GBF1: variants seen among roughly 807,000 people sequenced by gnomAD.
GBF1 encodes golgi brefeldin A resistant guanine nucleotide exchange factor 1.
GBF1 carries 114 observed loss-of-function variants against 210.5 expected under a neutral mutation model. The observed-to-expected ratio is 0.54, with a 90% CI of 0.47 to 0.63. The LOEUF (loss-of-function observed/expected upper bound fraction) is 0.63. GBF1 is among the 30% of genes least tolerant of loss of function. The probability of loss-of-function intolerance (pLI) is 0.00; values close to 1 mark genes in which losing one functional copy is unlikely to be tolerated. For missense variants in GBF1, 1,851 were observed against 2,357.7 expected (o/e 0.79, Z 4.45); for synonymous variants, 850 against 889.2 (o/e 0.96, Z 0.78).
intron 4 of GBF1, among the ~76,000 whole-genome samples, chr10:102,350,399 T>C (rs1421053352): frequency 6.6e-6 from 1 of 151,094 alleles, no homozygotes; most frequent in Non-Finnish European, 1.5e-5. Context: ...CACTCAGATA[T>C]GAGTATTGGC....
intron 29 of GBF1, among the ~76,000 whole-genome samples, chr10:102,371,977 G>C (rs1049213041): frequency 7.3e-5 from 11 of 151,594 alleles, no homozygotes; most frequent in Admixed American, 7.2e-4. Context: ...GTCCACTTTG[G>C]GGGGCTGAGG....
chr10:102,298,079 C>T (rs1416827709), intron 3 of GBF1, among the ~76,000 whole-genome samples: 4 of 152,136 alleles, frequency 2.6e-5, no homozygotes, highest in Admixed American at 6.5e-5. Context: ...GGATTACAGG[C>T]GCCCACCACC....
intron 13 of GBF1, among the ~76,000 whole-genome samples, chr10:102,361,444 A>G (rs2059595409): frequency 6.6e-6 from 1 of 152,158 alleles, no homozygotes; most frequent in South Asian, 2.1e-4. Flanking sequence ...GCTAAAAGGA[A>G]CTCTAAATAG....
chr10:102,323,182 T>C (rs1321661050), intron 3 of GBF1, among the ~76,000 whole-genome samples: 1 of 141,760 alleles, frequency 7.1e-6, no homozygotes, highest in Non-Finnish European at 1.5e-5. Context: ...CCTCATGACC[T>C]AGCTCTCCTG....
chr10:102,239,982 C>T, the GBF1 span, among the ~76,000 whole-genome samples: 2 of 152,236 alleles, frequency 1.3e-5, no homozygotes, highest in Non-Finnish European at 2.9e-5. Context: ...TTCCCACCTC[C>T]GCTCAGCCAC....
At chr10:102,294,320 A>G (rs976723817) in intron 3 of GBF1, among the ~76,000 whole-genome samples, 1 of 151,956 alleles carries the variant, frequency 6.6e-6, no homozygotes, top group Non-Finnish European at 1.5e-5. Flanking sequence ...AGCAACTTCC[A>G]GTCCTGCAGG....
chr10:102,272,803 T>C (rs1044128334), intron 3 of GBF1, among the ~76,000 whole-genome samples: 2 of 152,260 alleles, frequency 1.3e-5, no homozygotes, highest in African/African-American at 4.8e-5. Flanking sequence ...TAATGATCAC[T>C]AGTGGTGGCA....
chr10:102,358,119 G>A lies in GBF1; in HGVS notation c.720G>A (p.Met240Ile), dbSNP rs369887575. ...GATCCCCTCGGCCCCCACGCCATAT[G>A]ACCAAAGTCACACCAGGTTCAGAGC... ...QKRSPRPPRH[M>I]TKVTPGSELP... Residue 240 changes from methionine to isoleucine, a missense_variant, in exon 9 of 40, where the codon ATG becomes ATA. Coordinates refer to ENST00000369983, the MANE Select transcript of GBF1 (RefSeq NM_001377137.1). 1 of 1,613,060 alleles carries A rather than the reference G, an allele frequency of 6.2e-7. No homozygotes were observed. Among genetic ancestry groups the A allele is most frequent in the Non-Finnish European group, 8.5e-7 (1 of 1,179,140 alleles).
At chr10:102,259,243 C>T (rs1277533148) in intron 2 of GBF1, among the ~76,000 whole-genome samples, 1 of 152,128 alleles carries the variant, frequency 6.6e-6, no homozygotes, top group Non-Finnish European at 1.5e-5. Context: ...CACCATTCTT[C>T]TTCTAAATAT....
At chr10:102,360,523 T>G in intron 12 of GBF1, 128 bp downstream of exon 12, 1 of 655,462 alleles carries the variant, frequency 1.5e-6, no homozygotes, top group Non-Finnish European at 2.7e-6. Context: ...GCTAGTAGTT[T>G]TAGTAAGAGG....
At chr10:102,264,691 T>A (rs1390664701) in intron 3 of GBF1, among the ~76,000 whole-genome samples, 1 of 152,280 alleles carries the variant, frequency 6.6e-6, no homozygotes, top group Admixed American at 6.5e-5. Flanking sequence ...TGATTTATAA[T>A]TTTGGAATTC....
intron 3 of GBF1, among the ~76,000 whole-genome samples, chr10:102,314,036 T>C (rs1166125516): frequency 6.6e-6 from 1 of 152,008 alleles, no homozygotes; most frequent in African/African-American, 2.4e-5. Context: ...AATCCAGTTC[T>C]GTGCATGTAA....
intron 3 of GBF1, among the ~76,000 whole-genome samples, chr10:102,311,824 T>A (rs965756039): frequency 2.0e-5 from 3 of 152,216 alleles, no homozygotes; most frequent in African/African-American, 7.2e-5. Context: ...CCCTACCATT[T>A]CAGGGCATTT....
intron 14 of GBF1, 121 bp downstream of exon 14, chr10:102,362,033 G>A: frequency 2.3e-6 from 1 of 442,642 alleles, no homozygotes; most frequent in East Asian, 3.7e-5. Context: ...TAGAAGAAAG[G>A]CATTTTCTTT....
intron 3 of GBF1, among the ~76,000 whole-genome samples, chr10:102,343,719 G>C (rs1423288223): frequency 6.6e-6 from 1 of 151,054 alleles, no homozygotes; most frequent in Non-Finnish European, 1.5e-5. Context: ...TGAGGAGGCT[G>C]AGGGGCTTGA....
the GBF1 span, among the ~76,000 whole-genome samples, chr10:102,237,068 T>C: frequency 3.3e-5 from 5 of 152,360 alleles, no homozygotes; most frequent in South Asian, 8.3e-4. Context: ...GACTCCACAG[T>C]CTTCCTGCTC....
chr10:102,251,897 G>A (rs547364268), intron 1 of GBF1, among the ~76,000 whole-genome samples: 17 of 152,276 alleles, frequency 1.1e-4, no homozygotes, highest in Non-Finnish European at 1.6e-4. Context: ...GTGGGTGGCC[G>A]GGCATGGTAG....
In GBF1 at chr10:102,367,546, G is replaced by A. The variant is rs1328419464; in HGVS notation, c.2628G>A (p.Met876Ile). The A allele has an allele frequency of 6.3e-7, 1 of 1,578,006 alleles. No individual in the cohort carries two copies. The highest frequency in any genetic ancestry group is 1.1e-5 in the South Asian group (1 of 90,384). Residue 876 changes from methionine to isoleucine, a missense_variant, in exon 21 of 40, where the codon ATG becomes ATA. Coordinates refer to ENST00000369983, the MANE Select transcript of GBF1 (RefSeq NM_001377137.1). ...TTGAGCAAGACATCCTGGAGGACAT[G>A]TACCATGCCATCAAGTGAGTATACA... Reference protein sequence around the residue: ...KDFEQDILEDMYHAIKNEEIV... With the variant: ...KDFEQDILEDIYHAIKNEEIV...
At chr10:102,342,431 GTTC>G (rs917349933) in intron 3 of GBF1, among the ~76,000 whole-genome samples, 5 of 151,296 alleles carry the variant, frequency 3.3e-5, no homozygotes, top group African/African-American at 4.8e-5. Flanking sequence ...ACACACACAC[GTTC>G]TTCTCTAGGT....
Sources: gnomAD v4.1 joint callset for allele counts (sites outside exome capture counted in the v4.1 genomes callset) on GRCh38, gnomAD v4.1.1 for gene constraint, MANE v1.5 for transcripts, NCBI Gene and HGNC (gene_info 2026-07-23, HGNC 2026-07-21) for gene names.